The following TMPRSS11F variants were observed in gnomAD, a reference collection of about 807,000 sequenced individuals.
The protein encoded by TMPRSS11F is transmembrane protease serine 11F.
In TMPRSS11F, 47 loss-of-function variants were observed where a neutral mutation model predicts 60.2. That is an observed-to-expected ratio of 0.78 (90% CI 0.62 to 1.00). The LOEUF (loss-of-function observed/expected upper bound fraction) is 1.00, where lower values mean the gene tolerates loss of function less well. Ranked by LOEUF, TMPRSS11F falls within the 50% of genes least tolerant of loss-of-function variation. The pLI is 0.00. For synonymous variants in TMPRSS11F, 166 were observed against 167.3 expected, an observed-to-expected ratio of 0.99 and a Z score of 0.06; for missense variants, 519 against 522.9, an observed-to-expected ratio of 0.99 and a Z score of 0.07.
chr4:68,087,572 T>A lies in TMPRSS11F; in HGVS notation c.282+2951A>T, dbSNP rs1347991469. The stretch of plus-strand genomic sequence containing the variant: ...AATAGAAAAAGAAGTAGTTAAATAA[T>A]CTATCTTCACAAATGATACAATTCT... On this transcript the variant is annotated intron_variant, in intron 3 of 9. Transcript: ENST00000356291. 2.7e-5 allele frequency among the ~76,000 whole-genome samples: 4 copies of A among 147,338 alleles called. No individual in the cohort carries two copies. The Admixed American group carries it at 2.8e-4, about 10-fold the overall frequency.
chr4:68,109,544 T>C (rs1474649884), intron 1 of TMPRSS11F, among the ~76,000 whole-genome samples: 3 of 152,194 alleles, frequency 2.0e-5, no homozygotes, highest in Non-Finnish European at 4.4e-5. Context: ...AGCTTTGTTT[T>C]AAATCAACCA....
At chr4:68,075,373 C>A (rs1407127668) in intron 3 of TMPRSS11F, among the ~76,000 whole-genome samples, 7 of 152,104 alleles carry the variant, frequency 4.6e-5, no homozygotes, top group Non-Finnish European at 8.8e-5. Context: ...AGGATGATAT[C>A]TTTAAAATGC....
rs896126972 is a variant in TMPRSS11F, at chr4:68,065,386, C to A, written c.756-442G>T. On this transcript the variant is annotated intron_variant, in intron 7 of 9. Coordinates refer to ENST00000356291, the MANE Select transcript of TMPRSS11F (RefSeq NM_207407.2). ...AAGCGTAATTTGTCTGCTTTGCAAA[C>A]CTTCATGTATACACATGGTTTTTTC... 7.2e-5 allele frequency among the ~76,000 whole-genome samples: 11 copies of A among 152,136 alleles called. 1 individual carries two copies. The highest frequency in any genetic ancestry group is 2.7e-4 in the African/African-American group (11 of 41,418).
intron 1 of TMPRSS11F, among the ~76,000 whole-genome samples, chr4:68,104,329 T>G (rs1724256723): frequency 6.6e-6 from 1 of 152,180 alleles, no homozygotes; most frequent in Non-Finnish European, 1.5e-5. Context: ...GGTTTGGCTG[T>G]GTCCCCATCC....
chr4:68,074,442 A>T (rs1483351218), intron 3 of TMPRSS11F, among the ~76,000 whole-genome samples: 1 of 152,214 alleles, frequency 6.6e-6, no homozygotes, highest in Non-Finnish European at 1.5e-5. Context: ...CAGCATCCCT[A>T]TTTCTAAGAA....
At chr4:68,076,041 A>G (rs1723577736) in intron 3 of TMPRSS11F, among the ~76,000 whole-genome samples, 1 of 152,134 alleles carries the variant, frequency 6.6e-6, no homozygotes, top group African/African-American at 2.4e-5. Context: ...AGCAGGAAAA[A>G]TCAAATTTAC....
intron 3 of TMPRSS11F, chr4:68,080,473 C>T: frequency 6.6e-6 from 1 of 152,288 alleles, no homozygotes; most frequent in Non-Finnish European, 1.5e-5. Context: ...CACACCTGCA[C>T]TTCTCCAGAG....
intron 8 of TMPRSS11F, among the ~76,000 whole-genome samples, chr4:68,064,047 C>T (rs1359685302): frequency 1.3e-5 from 2 of 151,620 alleles, no homozygotes; most frequent in East Asian, 3.9e-4. Context: ...CTTGCACTCC[C>T]ATAGTGTTCT....
chr4:68,061,832 G>C, intron 8 of TMPRSS11F: 1 of 433,928 alleles, frequency 2.3e-6, no homozygotes, highest in South Asian at 1.7e-5. Context: ...ACTTGCAAGG[G>C]ACCAGCACAG....
At chr4:68,054,133 G>T in intron 9 of TMPRSS11F, 66 bp from the exon 10 acceptor site, 2 of 1,456,876 alleles carry the variant, frequency 1.4e-6, no homozygotes, top group South Asian at 1.3e-5. Flanking sequence ...ATTGTAATCT[G>T]ACGTTCACAG....
rs1375223618 is a variant in TMPRSS11F, at chr4:68,068,650, T to A, written c.723A>T (p.Thr241=). 1 of 1,614,182 alleles carries A rather than the reference T, an allele frequency of 6.2e-7. No individual in the cohort carries two copies. The highest frequency in any genetic ancestry group is 1.6e-4 in the Middle Eastern group (1 of 6,062). Residue 241 remains threonine, a synonymous_variant, in exon 7 of 10, where the codon ACA becomes ACT. Coordinates refer to ENST00000356291, the MANE Select transcript of TMPRSS11F (RefSeq NM_207407.2). The stretch of plus-strand genomic sequence containing the variant: ...AGCAGTGAGCTGCTGTGAGCAGCCA[T>A]GTGTTACTGATGAGGCTGGCTCCAC... The part of the protein sequence containing the change: ...HQCGASLISN[T]WLLTAAHCFW...
chr4:68,118,740 T>TA (rs1020146939), intron 1 of TMPRSS11F, among the ~76,000 whole-genome samples: 2 of 152,058 alleles, frequency 1.3e-5, no homozygotes, highest in African/African-American at 4.8e-5. Context: ...ATTAACATAA[T>TA]AAAAAATGGT....
At chr4:68,076,552 A>T (rs1723587890) in intron 3 of TMPRSS11F, among the ~76,000 whole-genome samples, 1 of 152,162 alleles carries the variant, frequency 6.6e-6, no homozygotes, top group Admixed American at 6.6e-5. Flanking sequence ...ACCCTTTTAG[A>T]CTAGTTCAAA....
In TMPRSS11F at chr4:68,063,638, CAA is replaced by C. The variant is rs915852147; in HGVS notation, c.1015+1045_1015+1046del. Among the ~76,000 whole-genome samples the C allele has an allele frequency of 9.2e-5, 14 of 152,240 alleles. 1 individual carries two copies. Among genetic ancestry groups the C allele is most frequent in the African/African-American group, 3.1e-4 (13 of 41,546 alleles). On this transcript the variant is annotated intron_variant, in intron 8 of 9. Transcript: ENST00000356291. ...TCATGATCCGCCCGACTCGGCCTCT[CAA>C]AGTGTTGGGATTACAGGCTTGAGCC...
Position 68,054,028 on chromosome 4 carries a change from T to G in TMPRSS11F, c.1198A>C (p.Ile400Leu), listed in dbSNP as rs750643604. The change falls in exon 10 of 10, where the codon ATC (isoleucine) becomes CTC (leucine). Residue 400 changes from isoleucine (I) to leucine (L), a missense_variant. Ile to Leu is a conservative substitution (Grantham distance 5). Transcript: ENST00000356291. ...CTTACTATACCTACAATGTACCAGA[T>G]GTCATGATTATCATAAACCAGAGGT... Reference protein sequence around the residue: ...GGPLVYDNHDIWYIVGIVSWG... With the variant: ...GGPLVYDNHDLWYIVGIVSWG... 1 of 1,613,458 alleles carries G rather than the reference T, an allele frequency of 6.2e-7. No individual in the cohort carries two copies. Among genetic ancestry groups the G allele is most frequent in the Non-Finnish European group, 8.5e-7 (1 of 1,179,516 alleles).
At chr4:68,075,694 T>C (rs1056362880) in intron 3 of TMPRSS11F, among the ~76,000 whole-genome samples, 3 of 152,096 alleles carry the variant, frequency 2.0e-5, no homozygotes, top group African/African-American at 4.8e-5. Flanking sequence ...AAGAAAGATA[T>C]TCAACATAAG....
At chr4:68,107,421 A>T (rs1269922223) in intron 1 of TMPRSS11F, among the ~76,000 whole-genome samples, 3 of 152,138 alleles carry the variant, frequency 2.0e-5, no homozygotes, top group African/African-American at 7.2e-5. Flanking sequence ...ATCAGGGGAG[A>T]TCACTCTGCA....
chr4:68,058,035 G>C (rs1396019139), intron 9 of TMPRSS11F, among the ~76,000 whole-genome samples: 1 of 152,194 alleles, frequency 6.6e-6, no homozygotes, highest in Non-Finnish European at 1.5e-5. Context: ...TAGAAGTAGA[G>C]AGTAGACTGA....
chr4:68,065,513 T>C (rs1440320415), intron 7 of TMPRSS11F, among the ~76,000 whole-genome samples: 1 of 152,168 alleles, frequency 6.6e-6, no homozygotes, highest in Non-Finnish European at 1.5e-5. Flanking sequence ...CAGTCCCTCT[T>C]ACTAGACTTT....
Sources: allele counts gnomAD v4.1 joint callset (sites outside exome capture counted in the v4.1 genomes callset), GRCh38; gene constraint gnomAD v4.1.1; transcripts MANE v1.5; gene names NCBI Gene and HGNC (gene_info 2026-07-23, HGNC 2026-07-21).